The following HNRNPUL1 variants were observed in gnomAD, a reference collection of about 807,000 sequenced individuals.
The protein encoded by HNRNPUL1 is heterogeneous nuclear ribonucleoprotein U like 1, also known as heterogeneous nuclear ribonucleoprotein U-like protein 1.
In HNRNPUL1, 14 loss-of-function variants were observed where a neutral mutation model predicts 108.5. The observed-to-expected ratio is 0.13, with a 90% CI of 0.09 to 0.20. The LOEUF (loss-of-function observed/expected upper bound fraction) is 0.20. Among genes scored for constraint, HNRNPUL1 ranks in the 10% least tolerant of loss-of-function variants. The pLI, the probability that HNRNPUL1 is intolerant of heterozygous loss-of-function variation, is 1.00. For synonymous variants in HNRNPUL1, 422 were observed against 445.2 expected (o/e 0.95, Z 0.66); for missense variants, 804 against 1,168.3 (o/e 0.69, Z 4.55).
In HNRNPUL1 at chr19:41,264,472, C is replaced by G; in HGVS notation, c.-32C>G. ...GGGACAGAGCCCTGGGAGGCCGGGC[C>G]GGGCTCGGGGGCCACCCCGGGGGCC... On this transcript the variant is annotated 5_prime_UTR_variant, in exon 1 of 15. Coordinates refer to ENST00000392006, the MANE Select transcript of HNRNPUL1 (RefSeq NM_007040.6). 6 of 1,342,640 alleles carry G rather than the reference C, an allele frequency of 4.5e-6. No homozygotes were observed. The highest frequency in any genetic ancestry group is 5.7e-6 in the Non-Finnish European group (6 of 1,046,560). 83.2% of individuals were successfully genotyped at this position (1,342,640 alleles called of 1,614,324 possible). A position where few individuals can be genotyped will look rare whatever the true frequency, so the allele number is the denominator to read the frequency against.
At chr19:41,278,985 T>C in intron 5 of HNRNPUL1, 92 bp from the exon 6 acceptor site, 1 of 890,292 alleles carries the variant, frequency 1.1e-6, no homozygotes, top group African/African-American at 1.7e-5. Context: ...CATTGCTATT[T>C]TTTAATGCCT....
chr19:41,268,150 C>T (rs2034970715), intron 1 of HNRNPUL1, 73 bp from the exon 2 acceptor site: 1 of 1,501,448 alleles, frequency 6.7e-7, no homozygotes, highest in South Asian at 1.2e-5. Context: ...CCTGCAGATG[C>T]CTTCTGGATG....
intron 11 of HNRNPUL1, 29 bp downstream of exon 11, chr19:41,301,733 G>A (rs368642494): frequency 1.8e-5 from 29 of 1,589,926 alleles, no homozygotes; most frequent in Non-Finnish European, 2.5e-5. Context: ...CCAGAGGAAC[G>A]TCAATGCAGG....
At position 41,306,674 on chromosome 19, in the gene HNRNPUL1, A is replaced by C; in HGVS notation, c.*109A>C. 1.6e-6 allele frequency: 1 copy of C among 606,932 alleles called. No homozygotes were observed. Among genetic ancestry groups the C allele is most frequent in the Non-Finnish European group, 2.6e-6 (1 of 378,596 alleles). The allele number at this position is 606,932 out of a possible 1,614,324, so 37.6% of individuals were successfully genotyped here. The stretch of plus-strand genomic sequence containing the variant: ...ATCCCGTGGTGCTGGGGATGGGGTC[A>C]TCCCAGGGCTGCCTCCCTCCAGCCC... On this transcript the variant is annotated 3_prime_UTR_variant, in exon 15 of 15. Transcript: ENST00000392006.
At chr19:41,284,995 CAA>C (rs773865440) in intron 7 of HNRNPUL1, among the ~76,000 whole-genome samples, 12 of 61,462 alleles carry the variant, frequency 2.0e-4, no homozygotes, top group Non-Finnish European at 2.7e-4. Flanking sequence ...GACTCTGTCT[CAA>C]AAAAAAAAAA....
chr19:41,285,926 C>T (rs190670031), intron 7 of HNRNPUL1, among the ~76,000 whole-genome samples: 7 of 152,172 alleles, frequency 4.6e-5, no homozygotes, highest in African/African-American at 1.2e-4. Context: ...CCCAGCACTT[C>T]GGGAGGCCAA....
chr19:41,278,979 G>A (rs533309346), intron 5 of HNRNPUL1, 98 bp from the exon 6 acceptor site: 146 of 840,220 alleles, frequency 1.7e-4, no homozygotes, highest in Non-Finnish European at 2.8e-4. Flanking sequence ...AAAAGCCATT[G>A]CTATTTTTTA....
intron 10 of HNRNPUL1, 49 bp from the exon 11 acceptor site, chr19:41,301,487 C>T: frequency 6.5e-7 from 1 of 1,546,020 alleles, no homozygotes; most frequent in African/African-American, 1.4e-5. Context: ...GAGGAAAAAA[C>T]CAACTCTTAA....
At chr19:41,272,684 A>G (rs2035315834) in intron 3 of HNRNPUL1, among the ~76,000 whole-genome samples, 1 of 152,234 alleles carries the variant, frequency 6.6e-6, no homozygotes, top group Non-Finnish European at 1.5e-5. Flanking sequence ...ACAGATGGAC[A>G]GTGGGTTTTG....
At chr19:41,305,477 G>A (rs1364021199) in intron 13 of HNRNPUL1, among the ~76,000 whole-genome samples, 199 bp from the exon 14 acceptor site, 3 of 152,222 alleles carry the variant, frequency 2.0e-5, no homozygotes, top group Non-Finnish European at 4.4e-5. Context: ...TCACAGCCCT[G>A]GGGCTTGCCC....
chr19:41,288,546 G>C lies in HNRNPUL1; in HGVS notation c.1000-3699G>C, dbSNP rs2036389502. Reference sequence around the variant, plus strand: ...AGCGTGAGCCACCATGCCCGGCCTTGGTGGGGATCTTTTTATGGTACTACC... The same window carrying C: ...AGCGTGAGCCACCATGCCCGGCCTTCGTGGGGATCTTTTTATGGTACTACC... On this transcript the variant is annotated intron_variant, in intron 7 of 14. Transcript: ENST00000392006. Among the ~76,000 whole-genome samples the C allele has an allele frequency of 2.6e-5, 4 of 152,152 alleles. No individual in the cohort carries two copies. In the South Asian group the frequency reaches 8.3e-4, roughly 32 times the overall value.
chr19:41,298,107 C>G (rs1368975388), intron 10 of HNRNPUL1, among the ~76,000 whole-genome samples: 2 of 152,172 alleles, frequency 1.3e-5, no homozygotes, highest in African/African-American at 4.8e-5. Context: ...CAGTATGACC[C>G]TGGTGAGCTG....
intron 2 of HNRNPUL1, among the ~76,000 whole-genome samples, chr19:41,268,656 C>T (rs1353220404): frequency 1.3e-5 from 2 of 151,888 alleles, no homozygotes; most frequent in African/African-American, 2.4e-5. Flanking sequence ...GTCTGGAGTT[C>T]GAGACCAGCC....
At chr19:41,272,467 A>G (rs1020929288) in intron 3 of HNRNPUL1, 4 of 437,680 alleles carry the variant, frequency 9.1e-6, no homozygotes, top group Non-Finnish European at 1.2e-5. Context: ...AATATCTTAG[A>G]CTTTCACGCG....
rs147857804 is a variant in HNRNPUL1, at chr19:41,272,232, G to C, written c.569G>C (p.Arg190Thr). The C allele has an allele frequency of 2.4e-5, 38 of 1,613,164 alleles. No homozygotes were observed. In the African/African-American group the frequency reaches 5.1e-4, roughly 22 times the overall value. The part of the protein sequence containing the change: ...GRGYFEHRED[R>T]RGRSPQPPAE... ...GGGTACTTTGAGCACCGAGAGGATA[G>C]GAGGTGGGTGTATGAGGCAGCAGTC... The change falls in exon 3 of 15, where the codon AGG becomes ACG. Residue 190 changes from arginine (R) to threonine (T), a missense_variant. Arg to Thr is a moderately conservative substitution (Grantham distance 71). Coordinates refer to ENST00000392006, the MANE Select transcript of HNRNPUL1 (RefSeq NM_007040.6).
At chr19:41,304,810 G>A (rs62120966) in intron 13 of HNRNPUL1, among the ~76,000 whole-genome samples, 54 of 152,090 alleles carry the variant, frequency 3.6e-4, no homozygotes, top group Non-Finnish European at 5.6e-4. Context: ...TTCAGTTATC[G>A]CACAGCCATT....
At chr19:41,287,249 C>T (rs1313839080) in intron 7 of HNRNPUL1, among the ~76,000 whole-genome samples, 3 of 151,568 alleles carry the variant, frequency 2.0e-5, no homozygotes, top group African/African-American at 4.9e-5. Context: ...CTCCTGACTT[C>T]GTGATCCGCC....
At chr19:41,291,751 G>A (rs2036585009) in intron 7 of HNRNPUL1, 2 of 160,390 alleles carry the variant, frequency 1.2e-5, no homozygotes, top group Non-Finnish European at 2.8e-5. Flanking sequence ...GGCAGGCCAA[G>A]GTGGGAAGAT....
intron 1 of HNRNPUL1, among the ~76,000 whole-genome samples, chr19:41,265,654 G>A (rs2034789204): frequency 6.6e-6 from 1 of 152,090 alleles, no homozygotes; most frequent in South Asian, 2.1e-4. Context: ...CTAGAGCTAA[G>A]AAAACTGAGG....
Sources: gnomAD v4.1 joint callset for allele counts (sites outside exome capture counted in the v4.1 genomes callset) on GRCh38, gnomAD v4.1.1 for gene constraint, MANE v1.5 for transcripts, NCBI Gene and HGNC (gene_info 2026-07-23, HGNC 2026-07-21) for gene names.